The following CHD4 variants were observed in gnomAD, a reference collection of about 807,000 sequenced individuals.
The protein encoded by CHD4 is chromodomain helicase DNA binding protein 4, also known as ATP-dependent chromatin remodeler CHD4.
A neutral mutation model predicts 235.5 loss-of-function variants in CHD4; 35 were observed. That is an observed-to-expected ratio of 0.15 (90% CI 0.11 to 0.20). The LOEUF (loss-of-function observed/expected upper bound fraction) is 0.20, where lower values mean the gene tolerates loss of function less well. Ranked by LOEUF, CHD4 falls within the 10% of genes least tolerant of loss-of-function variation. The pLI is 1.00. For synonymous variants in CHD4, 900 were observed against 850.2 expected (o/e 1.06, Z -1.02); for missense variants, 1,329 against 2,432.3 (o/e 0.55, Z 9.54).
At chr12:6,578,752 T>A (rs1948117217) in intron 34 of CHD4, 94 bp downstream of exon 34, 9 of 1,393,984 alleles carry the variant, frequency 6.5e-6, no homozygotes, top group Non-Finnish European at 9.2e-6. Context: ...ATAAAATGGC[T>A]AGATGAGTAT....
At chr12:6,577,744 A>C in intron 37 of CHD4, 41 bp downstream of exon 37, 2 of 1,611,050 alleles carry the variant, frequency 1.2e-6, no homozygotes, top group South Asian at 2.2e-5. Flanking sequence ...CGCACTTTCA[A>C]GTTTGTCACT....
intron 29 of CHD4, 97 bp downstream of exon 29, chr12:6,582,518 C>T: frequency 6.7e-7 from 1 of 1,496,174 alleles, no homozygotes; most frequent in East Asian, 2.3e-5. Context: ...GAGAAAATAG[C>T]CCACTTCCCT....
intron 2 of CHD4, among the ~76,000 whole-genome samples, chr12:6,605,598 A>G (rs762678951): frequency 6.6e-6 from 1 of 152,036 alleles, no homozygotes. Context: ...AGCCAAAACT[A>G]TGTCCACTCA....
intron 37 of CHD4, among the ~76,000 whole-genome samples, chr12:6,574,263 A>T (rs1427985061): frequency 1.3e-5 from 2 of 152,054 alleles, no homozygotes; most frequent in Non-Finnish European, 2.9e-5. Context: ...AGGTACTCTT[A>T]TGTTGTATGC....
At chr12:6,588,186 T>C (rs1463020275) in intron 23 of CHD4, 112 bp downstream of exon 23, 5 of 1,382,146 alleles carry the variant, frequency 3.6e-6, no homozygotes, top group Admixed American at 2.2e-5. Context: ...AAAAAGAATC[T>C]GTTGTTTCTC....
At chr12:6,595,894 G>A in intron 13 of CHD4, 112 bp downstream of exon 13, 1 of 1,206,802 alleles carries the variant, frequency 8.3e-7, no homozygotes, top group African/African-American at 1.5e-5. Context: ...GAAGTCGGAG[G>A]TTGCAGTGAG....
At chr12:6,592,187 A>G in intron 19 of CHD4, 130 bp from the exon 20 acceptor site, 1 of 1,270,908 alleles carries the variant, frequency 7.9e-7, no homozygotes, top group Non-Finnish European at 1.1e-6. Context: ...ACGCACAAGC[A>G]CTACCACCAC....
rs1360937268 is a variant in CHD4, at chr12:6,578,014, T to C, written c.5228+15A>G. 1 of 1,612,024 alleles carries C rather than the reference T, an allele frequency of 6.2e-7. No individual in the cohort carries two copies. Among genetic ancestry groups the C allele is most frequent in the Admixed American group, 1.7e-5 (1 of 60,028 alleles). ...TTTCACCAAAAGCCTCAGTACAGATTCAGGCAAAGGATACTTTATAATGCC... is the reference window on the plus strand; with the variant it reads ...TTTCACCAAAAGCCTCAGTACAGATCCAGGCAAAGGATACTTTATAATGCC... On this transcript the variant is annotated intron_variant, in intron 36 of 39. Coordinates refer to ENST00000544040, the MANE Select transcript of CHD4 (RefSeq NM_001273.5).
At chr12:6,587,335 A>G (rs763013320) in intron 25 of CHD4, 49 bp downstream of exon 25, 2 of 1,580,600 alleles carry the variant, frequency 1.3e-6, no homozygotes, top group Non-Finnish European at 1.7e-6. Flanking sequence ...CTCAATGCCA[A>G]TTTTCAGACC....
At chr12:6,601,555 G>T (rs756753806) in intron 5 of CHD4, 25 bp from the exon 6 acceptor site, 26 of 1,613,814 alleles carry the variant, frequency 1.6e-5, no homozygotes, top group Non-Finnish European at 2.2e-5. Flanking sequence ...CACAAGAGCA[G>T]AGGGAAAGGT....
rs1064795878 is a variant in CHD4 at position 6,592,811 on chromosome 12, G to A, written c.2659C>T (p.Arg887Trp). 6.2e-7 allele frequency: 1 copy of A among 1,610,786 alleles called. No individual in the cohort carries two copies. Residue 887 changes from arginine to tryptophan, a missense_variant, in exon 18 of 40, where the codon CGG becomes TGG. Physicochemically the swap from Arg to Trp is moderately radical, Grantham distance 101. Coordinates refer to ENST00000544040, the MANE Select transcript of CHD4 (RefSeq NM_001273.5). Reference protein sequence around the residue: ...RLKNNQSKFFRVLNGYSLQHK... With the variant: ...RLKNNQSKFFWVLNGYSLQHK... ...TGGAGTGAGTAACCATTCAATACCCGGAAGAACTGGTGAAGCAGATGGAGA... is the reference window on the plus strand; with the variant it reads ...TGGAGTGAGTAACCATTCAATACCCAGAAGAACTGGTGAAGCAGATGGAGA...
At chr12:6,600,770 G>C in intron 7 of CHD4, 101 bp from the exon 8 acceptor site, 1 of 1,536,298 alleles carries the variant, frequency 6.5e-7, no homozygotes, top group Non-Finnish European at 8.8e-7. Flanking sequence ...CAGAATCCCA[G>C]CAAGCACCGT....
At position 6,570,632 on chromosome 12, in the gene CHD4, G is replaced by A; in HGVS notation, c.*44C>T. The A allele has an allele frequency of 6.2e-7, 1 of 1,613,570 alleles. No individual in the cohort carries two copies. The highest frequency in any genetic ancestry group is 8.5e-7 in the Non-Finnish European group (1 of 1,179,532). ...GAGAAGCTGGGACAAGAGAAAGTGA[G>A]GAAGGTCACTGCTCAGCGGTGGAGG... On this transcript the variant is annotated 3_prime_UTR_variant, in exon 40 of 40. Transcript: ENST00000544040.
chr12:6,598,192 C>T (rs763493841), intron 11 of CHD4, 30 bp downstream of exon 11: 2 of 1,609,138 alleles, frequency 1.2e-6, no homozygotes, highest in East Asian at 2.2e-5. Context: ...TCATCGTAGC[C>T]CCTACATCTC....
intron 5 of CHD4, 58 bp downstream of exon 5, chr12:6,601,590 G>GT: frequency 6.2e-7 from 1 of 1,613,176 alleles, no homozygotes; most frequent in Non-Finnish European, 8.5e-7. Flanking sequence ...AGAAAGAGAA[G>GT]TAAGAAGAGA....
chr12:6,577,469 A>G (rs551398943), intron 37 of CHD4, among the ~76,000 whole-genome samples: 10 of 151,570 alleles, frequency 6.6e-5, no homozygotes, highest in African/African-American at 2.4e-4. Flanking sequence ...TAATAGCTCT[A>G]CATCTTCAGA....
chr12:6,605,123 G>A (rs1338213133), intron 2 of CHD4, among the ~76,000 whole-genome samples: 2 of 152,126 alleles, frequency 1.3e-5, no homozygotes, highest in Non-Finnish European at 2.9e-5. Flanking sequence ...CTTAAAAAGT[G>A]CCAAATGTGA....
At chr12:6,572,917 C>G in intron 38 of CHD4, 157 bp downstream of exon 38, 2 of 677,994 alleles carry the variant, frequency 2.9e-6, no homozygotes, top group Non-Finnish European at 4.8e-6. Flanking sequence ...TTGATTGCCT[C>G]TAAGATACTA....
chr12:6,578,828 A>G lies in CHD4; in HGVS notation c.4981+18T>C, dbSNP rs1948118746. The G allele has an allele frequency of 3.1e-6, 5 of 1,613,194 alleles. No homozygotes were observed. The South Asian group carries it at 4.4e-5, about 14-fold the overall frequency. ...TTAGAGTTCTTCTGAACCACAATCA[A>G]CTTCTCCAAACACCCACCTTTGTCT... On this transcript the variant is annotated intron_variant, in intron 34 of 39. Transcript: ENST00000544040.
Sources: gnomAD v4.1 joint callset for allele counts (sites outside exome capture counted in the v4.1 genomes callset) on GRCh38, gnomAD v4.1.1 for gene constraint, MANE v1.5 for transcripts, NCBI Gene and HGNC (gene_info 2026-07-23, HGNC 2026-07-21) for gene names.